Variants in TYSND1 observed in about 807,000 individuals in gnomAD.
TYSND1 encodes the protein peroxisomal leader peptide-processing protease.
TYSND1 carries 30 observed loss-of-function variants against 37.2 expected under a neutral mutation model. The ratio of observed to expected loss-of-function variants is 0.81; its 90% CI spans 0.60 to 1.09. The LOEUF is 1.09. Among genes scored for constraint, TYSND1 ranks in the 50% least tolerant of loss-of-function variants. The pLI is 0.00. For missense variants in TYSND1, 806 were observed against 817.4 expected, an observed-to-expected ratio of 0.99 and a Z score of 0.17; for synonymous variants, 364 against 383.8, an observed-to-expected ratio of 0.95 and a Z score of 0.60.
Position 70,140,030 on chromosome 10 carries a change from G to A in TYSND1, c.1595C>T (p.Thr532Ile), listed in dbSNP as rs745863815. ...CTCACGGAGGCCACCTAGGTCTTGG[G>A]TCTGGCTGTACTGCTGCAGGGCCGG... ...LQPALQQYSQTQDLGGLRELD... is the reference protein window; with the variant it reads ...LQPALQQYSQIQDLGGLRELD... Residue 532 changes from threonine (T) to isoleucine (I), a missense_variant, in exon 4 of 4, where the codon ACC (threonine) becomes ATC (isoleucine). By Grantham distance (89) the Thr-to-Ile change is moderately conservative. Around this residue, in one of 3 missense-constraint regions of TYSND1, gnomAD observed 708 missense variants for 705.4 expected, o/e 1.00. Coordinates refer to ENST00000287078, the MANE Select transcript of TYSND1 (RefSeq NM_173555.4). The A allele has an allele frequency of 6.2e-7, 1 of 1,614,242 alleles. No homozygotes were observed. Among genetic ancestry groups the A allele is most frequent in the South Asian group, 1.1e-5 (1 of 91,088 alleles).
Position 70,139,679 on chromosome 10 carries a change from T to TTG in TYSND1, c.*244_*245insCA, listed in dbSNP as rs2072728362. 25 of 503,748 alleles carry TTG rather than the reference T, an allele frequency of 5.0e-5. No individual in the cohort carries two copies. The South Asian group carries it at 7.4e-4, about 15-fold the overall frequency. 31.2% of individuals were successfully genotyped at this position (503,748 alleles called of 1,614,324 possible). A position where few individuals can be genotyped will look rare whatever the true frequency, so the allele number is the denominator to read the frequency against. On this transcript the variant is annotated 3_prime_UTR_variant, in exon 4 of 4. Coordinates refer to ENST00000287078, the MANE Select transcript of TYSND1 (RefSeq NM_173555.4). ...AAAACAATACAGCTGAGTCTAGTGC[T>TTG]AGGGGACAGAGAACTGGGGGCTCAA...
At chr10:70,144,847 C>T (rs2072851967) in intron 1 of TYSND1, 2 of 962,708 alleles carry the variant, frequency 2.1e-6, no homozygotes, top group Non-Finnish European at 2.5e-6. Context: ...TTTGGAAAAG[C>T]CTGGGCTGCA....
chr10:70,143,698 C>T (rs1160876735), intron 2 of TYSND1, 144 bp downstream of exon 2: 2 of 993,836 alleles, frequency 2.0e-6, no homozygotes, highest in East Asian at 2.6e-5. Flanking sequence ...ATGTGCCCCA[C>T]CAGCACAAAA....
Position 70,145,552 on chromosome 10 carries a change from G to A in TYSND1, c.1035C>T (p.Ala345=), listed in dbSNP as rs781334825. 2 of 1,498,096 alleles carry A rather than the reference G, an allele frequency of 1.3e-6. No homozygotes were observed. The highest frequency in any genetic ancestry group is 1.8e-6 in the Non-Finnish European group (2 of 1,129,416). The allele number at this position is 1,498,096 out of a possible 1,614,324, so 92.8% of individuals were successfully genotyped here. Residue 345 remains alanine, a synonymous_variant, in exon 1 of 4, where the codon GCC becomes GCT. Coordinates refer to ENST00000287078, the MANE Select transcript of TYSND1 (RefSeq NM_173555.4). Reference sequence around the variant, plus strand: ...TGCCGCACTCCACCAACACTGCCGCGGCTGCCCACAGGGGCCCGGAGTCTC... The same window carrying A: ...TGCCGCACTCCACCAACACTGCCGCAGCTGCCCACAGGGGCCCGGAGTCTC... ...PLRDSGPLWA[A]AAVLVECGTV... is the part of the protein sequence containing the mutation.
At chr10:70,142,920 C>T (rs1199989808) in intron 2 of TYSND1, 67 bp from the exon 3 acceptor site, 8 of 1,543,256 alleles carry the variant, frequency 5.2e-6, no homozygotes, top group Non-Finnish European at 7.1e-6. Context: ...CACTCCCTAA[C>T]TCCCATCCCT....
chr10:70,144,371 G>A, intron 1 of TYSND1: 1 of 806,406 alleles, frequency 1.2e-6, no homozygotes, highest in Non-Finnish European at 1.5e-6. Context: ...AGTGGGAGGA[G>A]CCAAGGCAAA....
chr10:70,142,604 C>G (rs533554030), intron 3 of TYSND1, 64 bp downstream of exon 3: 148 of 1,446,028 alleles, frequency 1.0e-4, no homozygotes, highest in Admixed American at 1.5e-4. Context: ...GCCACAAGCA[C>G]TCATGGGGTG....
chr10:70,143,392 A>T (rs112156896), intron 2 of TYSND1, among the ~76,000 whole-genome samples: 34 of 152,352 alleles, frequency 2.2e-4, no homozygotes, highest in African/African-American at 7.7e-4. Flanking sequence ...GAGGATAGTT[A>T]ACTAGCCTGT....
Position 70,145,997 on chromosome 10 carries a change from A to T in TYSND1, c.590T>A (p.Val197Glu). 3.8e-6 allele frequency: 6 copies of T among 1,583,240 alleles called. No individual in the cohort carries two copies. Among genetic ancestry groups the T allele is most frequent in the Non-Finnish European group, 5.1e-6 (6 of 1,166,346 alleles). ...CATGGCTGGCCCGCGCTCCTCCTCC[A>T]CCTCCTCCTGGCCTAGCCGCACGCC... Reference protein sequence around the residue: ...LLGVRLGQEEVEEERGPAMAV... With the variant: ...LLGVRLGQEEEEEERGPAMAV... The change falls in exon 1 of 4, where the codon GTG becomes GAG. Residue 197 changes from valine (V) to glutamate (E), a missense_variant. By Grantham distance (121) the Val-to-Glu change is moderately radical. This residue lies in a region of TYSND1 where 708 missense variants were observed against 705.4 expected (regional missense o/e 1.00). Coordinates refer to ENST00000287078, the MANE Select transcript of TYSND1 (RefSeq NM_173555.4).
intron 2 of TYSND1, among the ~76,000 whole-genome samples, chr10:70,143,104 T>A (rs1270190225): frequency 6.6e-6 from 1 of 152,204 alleles, no homozygotes; most frequent in African/African-American, 2.4e-5. Context: ...CTAGTCCTTG[T>A]TCCCTGGACA....
At position 70,139,130 on chromosome 10, in the gene TYSND1, T is replaced by G. The variant is rs1589858302; in HGVS notation, c.*794A>C. On this transcript the variant is annotated 3_prime_UTR_variant, in exon 4 of 4. Transcript: ENST00000287078. Reference sequence around the variant, plus strand: ...AAAAAAAAAAAAAAAGGAAAGGGTGTGTTTCTTTGCCTGGTACTTGCCTAT... The same window carrying G: ...AAAAAAAAAAAAAAAGGAAAGGGTGGGTTTCTTTGCCTGGTACTTGCCTAT... 6.6e-6 allele frequency: 1 copy of G among 150,860 alleles called. No individual in the cohort carries two copies. Among genetic ancestry groups the G allele is most frequent in the African/African-American group, 2.4e-5 (1 of 40,928 alleles). The allele number at this position is 150,860 out of a possible 1,614,324, so 9.3% of individuals were successfully genotyped here. A position where few individuals can be genotyped will look rare whatever the true frequency, so the allele number is the denominator to read the frequency against.
intron 1 of TYSND1, chr10:70,144,564 G>A: frequency 2.0e-6 from 2 of 987,548 alleles, no homozygotes; most frequent in South Asian, 9.3e-5. Flanking sequence ...AGGCAGCTTA[G>A]ACAGGTTAAG....
chr10:70,145,187 TG>T (rs1333564484), intron 1 of TYSND1, among the ~76,000 whole-genome samples: 1 of 152,074 alleles, frequency 6.6e-6, no homozygotes, highest in Non-Finnish European at 1.5e-5. Flanking sequence ...GGATTCAGGG[TG>T]TCCCACAGTA....
chr10:70,142,606 C>A, intron 3 of TYSND1, 62 bp downstream of exon 3: 1 of 1,429,756 alleles, frequency 7.0e-7, no homozygotes, highest in South Asian at 1.4e-5. Flanking sequence ...CACAAGCACT[C>A]ATGGGGTGGG....
rs763858383 is a variant in TYSND1 at position 70,146,508 on chromosome 10, G to A, written c.79C>T (p.Pro27Ser). 7 of 1,591,434 alleles carry A rather than the reference G, an allele frequency of 4.4e-6. No homozygotes were observed. Among genetic ancestry groups the A allele is most frequent in the Middle Eastern group, 3.3e-4 (2 of 6,028 alleles). The change falls in exon 1 of 4, where the codon CCC becomes TCC. Residue 27 changes from proline (P) to serine (S), a missense_variant. This residue lies in a region of TYSND1 where 84 missense variants were observed against 79.0 expected (regional missense o/e 1.06). Coordinates refer to ENST00000287078, the MANE Select transcript of TYSND1 (RefSeq NM_173555.4). ...CTGCAGCTCCACGGGCCCGCCTCGG[G>A]CTGTCCGGCCCGGGAGGCGCTCACC... ...CMVSASRAGQ[P>S]EAGPWSCSGV...
chr10:70,142,151 C>T (rs1589862102), intron 3 of TYSND1, among the ~76,000 whole-genome samples: 1 of 151,984 alleles, frequency 6.6e-6, no homozygotes, highest in Non-Finnish European at 1.5e-5. Context: ...TTTTAAAAAC[C>T]TGAATGTTAC....
intron 1 of TYSND1, among the ~76,000 whole-genome samples, chr10:70,145,194 C>G (rs1394658371): frequency 6.6e-6 from 1 of 152,190 alleles, no homozygotes; most frequent in Admixed American, 6.5e-5. Context: ...GGGTGTCCCA[C>G]AGTACCCAAA....
rs1839174305 is a variant in TYSND1 at position 70,145,513 on chromosome 10, G to A, written c.1074C>T (p.Ser358=). 6.5e-7 allele frequency: 1 copy of A among 1,529,396 alleles called. No individual in the cohort carries two copies. Among genetic ancestry groups the A allele is most frequent in the Non-Finnish European group, 8.7e-7 (1 of 1,144,736 alleles). The allele number at this position is 1,529,396 out of a possible 1,614,324, so 94.7% of individuals were successfully genotyped here. Residue 358 remains serine, a synonymous_variant, in exon 1 of 4, where the codon TCC becomes TCT. Transcript: ENST00000287078. The stretch of plus-strand genomic sequence containing the variant: ...CAAGGCGGGGTGCCACAGCCACTCC[G>A]GAGCCCCATACGGTGCCGCACTCCA... ...VLVECGTVWG[S]GVAVAPRLVV...
Position 70,145,551 on chromosome 10 carries a change from C to T in TYSND1, c.1036G>A (p.Ala346Thr). 6.7e-7 allele frequency: 1 copy of T among 1,496,636 alleles called. No homozygotes were observed. Among genetic ancestry groups the T allele is most frequent in the African/African-American group, 1.4e-5 (1 of 69,558 alleles). 92.7% of individuals were successfully genotyped at this position (1,496,636 alleles called of 1,614,324 possible). ...GTGCCGCACTCCACCAACACTGCCGCGGCTGCCCACAGGGGCCCGGAGTCT... is the reference window on the plus strand; with the variant it reads ...GTGCCGCACTCCACCAACACTGCCGTGGCTGCCCACAGGGGCCCGGAGTCT... ...LRDSGPLWAA[A>T]AVLVECGTVW... Residue 346 changes from alanine to threonine, a missense_variant, in exon 1 of 4, where the codon GCG (alanine) becomes ACG (threonine). Physicochemically the swap from Ala to Thr is moderately conservative, Grantham distance 58. Transcript: ENST00000287078.
Sources: gnomAD v4.1 joint callset for allele counts (sites outside exome capture counted in the v4.1 genomes callset) on GRCh38, gnomAD v4.1.1 for gene constraint, gnomAD v4.1.1 regional missense constraint, MANE v1.5 for transcripts, NCBI Gene and HGNC (gene_info 2026-07-23, HGNC 2026-07-21) for gene names.